Variants in TMEM132B observed in about 807,000 individuals in gnomAD.
TMEM132B encodes the protein transmembrane protein 132B.
In TMEM132B, 18 loss-of-function variants were observed where a neutral mutation model predicts 90.8. That is an observed-to-expected ratio of 0.20 (90% CI 0.14 to 0.29). TMEM132B has a LOEUF of 0.29. Among genes scored for constraint, TMEM132B ranks in the 10% least tolerant of loss-of-function variants. TMEM132B has a pLI of 1.00. For missense variants in TMEM132B, 1,096 were observed against 1,326.8 expected, an observed-to-expected ratio of 0.83 and a Z score of 2.70; for synonymous variants, 504 against 523.3, an observed-to-expected ratio of 0.96 and a Z score of 0.50.
At chr12:125,353,367 G>T (rs1877659001) in intron 2 of TMEM132B, among the ~76,000 whole-genome samples, 1 of 152,210 alleles carries the variant, frequency 6.6e-6, no homozygotes, top group African/African-American at 2.4e-5. Flanking sequence ...AAACTTATTT[G>T]CTACTCCTGA....
chr12:125,590,195 A>G (rs1473423183), intron 5 of TMEM132B, among the ~76,000 whole-genome samples: 1 of 152,120 alleles, frequency 6.6e-6, no homozygotes, highest in Non-Finnish European at 1.5e-5. Context: ...TCACTTTTCT[A>G]TCTAAATTAT....
At chr12:125,397,424 C>G (rs943753250) in intron 2 of TMEM132B, among the ~76,000 whole-genome samples, 3 of 152,214 alleles carry the variant, frequency 2.0e-5, no homozygotes, top group South Asian at 2.1e-4. Context: ...AATCTTCTTT[C>G]CAAATCCTTT....
chr12:125,534,811 A>C (rs1224868799), intron 4 of TMEM132B, among the ~76,000 whole-genome samples: 1 of 152,206 alleles, frequency 6.6e-6, no homozygotes, highest in East Asian at 1.9e-4. Context: ...AAGCTATCCA[A>C]TATGGTAGCC....
intron 4 of TMEM132B, among the ~76,000 whole-genome samples, chr12:125,523,796 C>T (rs1883372655): frequency 6.6e-6 from 1 of 152,228 alleles, no homozygotes; most frequent in South Asian, 2.1e-4. Flanking sequence ...CTCTTGGCCT[C>T]CATGTCACTC....
At chr12:125,241,586 C>T (rs1300017317) in intron 1 of TMEM132B, among the ~76,000 whole-genome samples, 2 of 152,186 alleles carry the variant, frequency 1.3e-5, no homozygotes, top group African/African-American at 4.8e-5. Context: ...AGTGGGTTTC[C>T]AGCATCACCT....
At chr12:125,484,168 G>A (rs559260949) in intron 3 of TMEM132B, among the ~76,000 whole-genome samples, 37 of 152,246 alleles carry the variant, frequency 2.4e-4, no homozygotes, top group African/African-American at 8.7e-4. Context: ...CCGAAGTGCT[G>A]GGATTACAGG....
At chr12:125,316,264 G>A (rs139097322) in intron 1 of TMEM132B, among the ~76,000 whole-genome samples, 33 of 152,286 alleles carry the variant, frequency 2.2e-4, no homozygotes, top group African/African-American at 7.5e-4. Context: ...ATGGGCAATT[G>A]CTGATGTGCT....
At chr12:125,480,350 A>G (rs1355081830) in intron 3 of TMEM132B, among the ~76,000 whole-genome samples, 1 of 152,204 alleles carries the variant, frequency 6.6e-6, no homozygotes, top group African/African-American at 2.4e-5. Flanking sequence ...AACAAAATTG[A>G]TAGACCACTA....
At chr12:125,358,610 G>A (rs950528476) in intron 2 of TMEM132B, among the ~76,000 whole-genome samples, 1 of 152,044 alleles carries the variant, frequency 6.6e-6, no homozygotes, top group African/African-American at 2.4e-5. Flanking sequence ...GGTCTGTCTG[G>A]TGTTTTCTCA....
At chr12:125,615,831 A>G (rs1415422862) in intron 5 of TMEM132B, among the ~76,000 whole-genome samples, 2 of 152,164 alleles carry the variant, frequency 1.3e-5, no homozygotes, top group African/African-American at 2.4e-5. Flanking sequence ...CCTTCTGAAG[A>G]CTTGCTGAAA....
At chr12:125,434,847 G>C (rs886800992) in intron 3 of TMEM132B, among the ~76,000 whole-genome samples, 12 of 152,128 alleles carry the variant, frequency 7.9e-5, no homozygotes. Flanking sequence ...TGTTTCTTGC[G>C]CACACTGGTC....
intron 1 of TMEM132B, among the ~76,000 whole-genome samples, chr12:125,222,851 G>T (rs1401321064): frequency 2.0e-5 from 3 of 152,188 alleles, no homozygotes; most frequent in Non-Finnish European, 4.4e-5. Context: ...GGGCAAGATT[G>T]CCCCCATTGG....
In TMEM132B at chr12:125,349,657, C is replaced by T. The variant is rs771365980; in HGVS notation, c.273C>T (p.Ala91=). 7 of 1,614,178 alleles carry T rather than the reference C, an allele frequency of 4.3e-6. No homozygotes were observed. Among genetic ancestry groups the T allele is most frequent in the Non-Finnish European group, 5.1e-6 (6 of 1,180,036 alleles). The change falls in exon 2 of 9, where the codon GCC becomes GCT. Residue 91 remains alanine (A), a synonymous_variant. Transcript: ENST00000682704. This position sits in a 1 kb window ranked among gnomAD's most constrained non-coding sequence, Gnocchi z 4.1. ...CCAGGACACCCCCTATTATCAATGC[C>T]AGCTATGGCCCATTTTCAGTGGAGA... The part of the protein sequence containing the change: ...YRARTPPIIN[A]SYGPFSVEKI...
At chr12:125,591,634 G>A (rs1017711859) in intron 5 of TMEM132B, among the ~76,000 whole-genome samples, 1 of 152,196 alleles carries the variant, frequency 6.6e-6, no homozygotes, top group Non-Finnish European at 1.5e-5. Flanking sequence ...CAGTTCTGGA[G>A]GCCAGAAATC....
In TMEM132B at chr12:125,498,084, C is replaced by T. The variant is rs1179621650; in HGVS notation, c.1107-21355C>T. Among the ~76,000 whole-genome samples the T allele has an allele frequency of 1.3e-5, 2 of 152,316 alleles. No homozygotes were observed. The highest frequency in any genetic ancestry group is 3.9e-4 in the East Asian group (2 of 5,188). On this transcript the variant is annotated intron_variant, in intron 3 of 8. Transcript: ENST00000682704. This position sits in a 1 kb window ranked among gnomAD's most constrained non-coding sequence, Gnocchi z 4.5. ...CTAGCAATTAAATGATCAGTCCAGA[C>T]CTGACACACGCTGCTTTATTTACCA...
chr12:125,206,488 T>C (rs1261417474), intron 1 of TMEM132B, among the ~76,000 whole-genome samples: 1 of 152,178 alleles, frequency 6.6e-6, no homozygotes, highest in African/African-American at 2.4e-5. Flanking sequence ...TCCACCCACC[T>C]CGGCCTCCCA....
At chr12:125,259,696 A>C (rs1433847249) in intron 1 of TMEM132B, among the ~76,000 whole-genome samples, 1 of 152,268 alleles carries the variant, frequency 6.6e-6, no homozygotes, top group African/African-American at 2.4e-5. Flanking sequence ...ATAAAGATAA[A>C]TGTGTCTGGA....
chr12:125,542,050 A>T (rs928970579), intron 4 of TMEM132B, among the ~76,000 whole-genome samples: 2 of 150,730 alleles, frequency 1.3e-5, no homozygotes, highest in Non-Finnish European at 3.0e-5. Flanking sequence ...AAAAAAAAAA[A>T]AAGAAGTGAA....
At chr12:125,189,095 T>A (rs1349018748) in intron 1 of TMEM132B, among the ~76,000 whole-genome samples, 1 of 152,046 alleles carries the variant, frequency 6.6e-6, no homozygotes, top group African/African-American at 2.4e-5. Context: ...GGGACTGGCT[T>A]CTTTGTCCCC....
Sources: gnomAD v4.1 joint callset for allele counts (sites outside exome capture counted in the v4.1 genomes callset) on GRCh38, gnomAD v4.1.1 for gene constraint, Gnocchi (gnomAD v3.1) non-coding constraint, MANE v1.5 for transcripts, NCBI Gene and HGNC (gene_info 2026-07-23, HGNC 2026-07-21) for gene names.